TTC7B: variants seen among roughly 807,000 people sequenced by gnomAD.
TTC7B encodes tetratricopeptide repeat protein 7B.
TTC7B carries 28 observed loss-of-function variants against 106.8 expected under a neutral mutation model. The ratio of observed to expected loss-of-function variants is 0.26; its 90% CI spans 0.19 to 0.36. The LOEUF (loss-of-function observed/expected upper bound fraction) is 0.36. TTC7B is among the 10% of genes least tolerant of loss of function. TTC7B has a pLI of 1.00. For synonymous variants in TTC7B, 405 were observed against 430.6 expected (o/e 0.94, Z 0.74); for missense variants, 862 against 1,076.4 (o/e 0.80, Z 2.79).
rs1891358899 is a variant in TTC7B at position 90,578,560 on chromosome 14, C to G, written c.2108-252G>C. Among the ~76,000 whole-genome samples, 1 of 152,088 alleles carries G rather than the reference C, an allele frequency of 6.6e-6. No individual in the cohort carries two copies. Among genetic ancestry groups the G allele is most frequent in the South Asian group, 2.1e-4 (1 of 4,830 alleles). ...ACCACCAGGCAGGGAGCAGTGAGGC[C>G]TGCCTGGTCCCTGCCCCAACCTCTG... is the stretch of plus-strand genomic sequence containing the variant. On this transcript the variant is annotated intron_variant, in intron 18 of 19. Coordinates refer to ENST00000328459, the MANE Select transcript of TTC7B (RefSeq NM_001010854.2). The surrounding 1 kb of genome is among the most constrained non-coding windows in gnomAD (Gnocchi z 4.7).
At chr14:90,603,791 A>G (rs1361647040) in intron 17 of TTC7B, among the ~76,000 whole-genome samples, 1 of 152,184 alleles carries the variant, frequency 6.6e-6, no homozygotes, top group Non-Finnish European at 1.5e-5. Context: ...AATCATTACA[A>G]TTTTAATTAA....
intron 11 of TTC7B, 136 bp from the exon 12 acceptor site, chr14:90,655,246 T>A (rs757302543): frequency 7.4e-6 from 5 of 671,756 alleles, no homozygotes; most frequent in African/African-American, 1.8e-5. Flanking sequence ...AATCCCACTC[T>A]GGTGATTCTG....
chr14:90,766,455 G>C (rs529767970), intron 3 of TTC7B: 5 of 631,218 alleles, frequency 7.9e-6, no homozygotes, highest in Non-Finnish European at 1.4e-5. Context: ...TGTCAAAAAG[G>C]ACATAGAAAA....
rs774664542 is a variant in TTC7B, at chr14:90,578,220, G to T, written c.2196C>A (p.Val732=). 2.5e-6 allele frequency: 4 copies of T among 1,614,240 alleles called. No homozygotes were observed. The highest frequency in any genetic ancestry group is 3.4e-6 in the Non-Finnish European group (4 of 1,180,040). The change falls in exon 19 of 20, where the codon GTC becomes GTA. Residue 732 remains valine, a synonymous_variant. Coordinates refer to ENST00000328459, the MANE Select transcript of TTC7B (RefSeq NM_001010854.2). This position sits in a 1 kb window ranked among gnomAD's most constrained non-coding sequence, Gnocchi z 4.7. ...CAGCAATCTGGCCGCGCATGTAGAG[G>T]ACATTGTGGGACATTGGGAAGAGGT... ...AANLFPMSHN[V]LYMRGQIAEL... is the part of the protein sequence containing the mutation.
chr14:90,799,592 G>A (rs1456845511), intron 1 of TTC7B, among the ~76,000 whole-genome samples: 1 of 152,124 alleles, frequency 6.6e-6, no homozygotes, highest in Admixed American at 6.5e-5. Context: ...TCTGAGCGAA[G>A]AGCATTCCAG....
intron 19 of TTC7B, among the ~76,000 whole-genome samples, chr14:90,563,413 A>G (rs76630244): frequency 0.017 from 2,628 of 152,324 alleles, 80 homozygotes; most frequent in African/African-American, 0.06. Context: ...TATACCTAAA[A>G]CAAGTGCATA....
At chr14:90,551,172 TG>T (rs1890063473) in intron 19 of TTC7B, among the ~76,000 whole-genome samples, 2 of 152,232 alleles carry the variant, frequency 1.3e-5, no homozygotes, top group Non-Finnish European at 2.9e-5. Context: ...ACAGCCTTGC[TG>T]AAGGCCTTGA....
At chr14:90,656,834 T>C (rs933579753) in intron 11 of TTC7B, among the ~76,000 whole-genome samples, 7 of 152,228 alleles carry the variant, frequency 4.6e-5, no homozygotes. Flanking sequence ...CCAGGGATGC[T>C]AATTCAGTGA....
Position 90,801,661 on chromosome 14 carries a change from A to T in TTC7B, c.121+14514T>A, listed in dbSNP as rs2030274583. 2.0e-5 allele frequency among the ~76,000 whole-genome samples: 3 copies of T among 152,332 alleles called. No individual in the cohort carries two copies. The South Asian group carries it at 6.2e-4, about 32-fold the overall frequency. Reference sequence around the variant, plus strand: ...ATTAAGTCCAGATCAAAGCTGGAGGACTGAGCGGGAAGGACCTGGGAAGAG... The same window carrying T: ...ATTAAGTCCAGATCAAAGCTGGAGGTCTGAGCGGGAAGGACCTGGGAAGAG... On this transcript the variant is annotated intron_variant, in intron 1 of 19. Transcript: ENST00000328459.
intron 3 of TTC7B, chr14:90,767,042 AAAAG>A (rs921791731): frequency 9.7e-5 from 80 of 821,802 alleles, no homozygotes; most frequent in African/African-American, 3.1e-4. Flanking sequence ...AAAAAAAAAA[AAAAG>A]AAAGAAAGGA....
In TTC7B at chr14:90,681,313, C is replaced by T. The variant is rs139719803; in HGVS notation, c.951-778G>A. The stretch of plus-strand genomic sequence containing the variant: ...GAATGTTATCACCAATTGGGTCAAA[C>T]TCAATATTTTTTCATGAAATGGACG... On this transcript the variant is annotated intron_variant, in intron 7 of 19. Transcript: ENST00000328459. Among the ~76,000 whole-genome samples, 3 of 152,092 alleles carry T rather than the reference C, an allele frequency of 2.0e-5. No individual in the cohort carries two copies. The East Asian group carries it at 5.8e-4, about 29-fold the overall frequency.
intron 17 of TTC7B, chr14:90,605,883 A>C (rs1892619029): frequency 1.6e-6 from 1 of 634,812 alleles, no homozygotes; most frequent in Non-Finnish European, 2.2e-6. Context: ...CATGTAATAC[A>C]CAATCATTCC....
At chr14:90,756,892 T>G (rs931981376) in intron 3 of TTC7B, among the ~76,000 whole-genome samples, 1 of 152,076 alleles carries the variant, frequency 6.6e-6, no homozygotes, top group Admixed American at 6.5e-5. Flanking sequence ...ACATTAAATA[T>G]GAATATGGGT....
At chr14:90,775,180 C>A (rs923624828) in intron 3 of TTC7B, among the ~76,000 whole-genome samples, 2 of 152,168 alleles carry the variant, frequency 1.3e-5, no homozygotes, top group Non-Finnish European at 2.9e-5. Context: ...TCTCCCCTCT[C>A]CCCATAACCA....
At position 90,759,229 on chromosome 14, in the gene TTC7B, G is replaced by C. The variant is rs527993572; in HGVS notation, c.446-14307C>G. Among the ~76,000 whole-genome samples the C allele has an allele frequency of 6.6e-6, 1 of 152,120 alleles. No individual in the cohort carries two copies. The highest frequency in any genetic ancestry group is 1.5e-5 in the Non-Finnish European group (1 of 68,024). Reference sequence around the variant, plus strand: ...CAATCTGTGTTCTGCTCCCGCCCCCGAGAGAGTTCTGAGCTTTCCAAATAT... The same window carrying C: ...CAATCTGTGTTCTGCTCCCGCCCCCCAGAGAGTTCTGAGCTTTCCAAATAT... On this transcript the variant is annotated intron_variant, in intron 3 of 19. Coordinates refer to ENST00000328459, the MANE Select transcript of TTC7B (RefSeq NM_001010854.2). This position sits in a 1 kb window ranked among gnomAD's most constrained non-coding sequence, Gnocchi z 4.1.
In TTC7B at chr14:90,618,021, C is replaced by T. The variant is rs148734414; in HGVS notation, c.1776G>A (p.Leu592=). ...CGTCCGGGCCTCGGCAGAGTGACTG[C>T]AACTTCACTTTGGAAAACAGTAGTC... ...NFILLFSKVK[L]QSLCRGPDEA... The change falls in exon 16 of 20, where the codon TTG becomes TTA. Residue 592 remains leucine (L), a synonymous_variant. Coordinates refer to ENST00000328459, the MANE Select transcript of TTC7B (RefSeq NM_001010854.2). 2.4e-4 allele frequency: 384 copies of T among 1,613,594 alleles called. 2 individuals carry two copies. Among genetic ancestry groups the T allele is most frequent in the Non-Finnish European group, 3.1e-4 (366 of 1,179,488 alleles).
chr14:90,793,994 C>T (rs1327694192), intron 1 of TTC7B, among the ~76,000 whole-genome samples: 3 of 152,006 alleles, frequency 2.0e-5, no homozygotes, highest in East Asian at 3.9e-4. Context: ...CCTCCGCCTC[C>T]CAGGTTCAAG....
chr14:90,525,726 G>T lies in TTC7B; in HGVS notation c.*15642C>A. ...ACCCAGTTGACTAATATTTGGGTCG[G>T]TGGAGCCCGAATAATACAATAAGAA... is the stretch of plus-strand genomic sequence containing the variant. On this transcript the variant is annotated 3_prime_UTR_variant, in exon 20 of 20. Transcript: ENST00000328459. 1 of 148,840 alleles carries T rather than the reference G, an allele frequency of 6.7e-6. No individual in the cohort carries two copies. Among genetic ancestry groups the T allele is most frequent in the Non-Finnish European group, 1.5e-5 (1 of 67,322 alleles). 9.2% of individuals were successfully genotyped at this position (148,840 alleles called of 1,614,324 possible).
chr14:90,647,728 C>T (rs1347502291), intron 13 of TTC7B, among the ~76,000 whole-genome samples: 3 of 152,096 alleles, frequency 2.0e-5, no homozygotes, highest in Non-Finnish European at 4.4e-5. Flanking sequence ...GTCTTCTCTG[C>T]TTCTATGTGG....
Sources: allele counts gnomAD v4.1 joint callset (sites outside exome capture counted in the v4.1 genomes callset), GRCh38; gene constraint gnomAD v4.1.1; non-coding constraint Gnocchi (gnomAD v3.1); transcripts MANE v1.5; gene names NCBI Gene and HGNC (gene_info 2026-07-23, HGNC 2026-07-21).